Variants in EXOC4 observed in about 807,000 individuals in gnomAD.
The protein encoded by EXOC4 is exocyst complex component 4.
A neutral mutation model predicts 107.2 loss-of-function variants in EXOC4; 71 were observed. The ratio of observed to expected loss-of-function variants is 0.66; its 90% CI spans 0.55 to 0.81. EXOC4 has a LOEUF of 0.81. Among genes scored for constraint, EXOC4 ranks in the 30% least tolerant of loss-of-function variants. The pLI, the probability that EXOC4 is intolerant of heterozygous loss-of-function variation, is 0.00. For missense variants in EXOC4, 1,108 were observed against 1,189.6 expected (o/e 0.93, Z 1.01); for synonymous variants, 456 against 441.2 (o/e 1.03, Z -0.42).
At chr7:133,481,057 G>GAAAAAAAAAAAAAAAAAAAAAAAA (rs10686907) in intron 9 of EXOC4, 1 of 142,400 alleles carries the variant, frequency 7.0e-6, no homozygotes. Flanking sequence ...CTCAAAAAAA[G>GAAAAAAAAAAAAAAAAAAAAAAAA]AAAAAAAAAA....
chr7:133,781,479 A>T (rs1057308069), intron 10 of EXOC4, among the ~76,000 whole-genome samples: 1 of 152,250 alleles, frequency 6.6e-6, no homozygotes, highest in Non-Finnish European at 1.5e-5. Context: ...TTCCTTGAAG[A>T]TATCAGTTAG....
At chr7:133,725,304 C>G (rs1201977298) in intron 10 of EXOC4, among the ~76,000 whole-genome samples, 1 of 152,134 alleles carries the variant, frequency 6.6e-6, no homozygotes, top group Non-Finnish European at 1.5e-5. Context: ...GAATGCAGAT[C>G]AAGGCTTAGC....
chr7:133,416,278 T>C (rs1374715626), intron 7 of EXOC4, among the ~76,000 whole-genome samples: 2 of 152,160 alleles, frequency 1.3e-5, no homozygotes, highest in Non-Finnish European at 2.9e-5. Context: ...TCAAATTTGG[T>C]GTAGTACTTG....
intron 10 of EXOC4, among the ~76,000 whole-genome samples, chr7:133,682,454 C>T (rs1475323489): frequency 6.6e-6 from 1 of 152,154 alleles, no homozygotes; most frequent in Non-Finnish European, 1.5e-5. Flanking sequence ...TTGCTGCCGC[C>T]ATTATCACCT....
chr7:133,517,659 A>G (rs934240692), intron 9 of EXOC4, among the ~76,000 whole-genome samples: 6 of 150,650 alleles, frequency 4.0e-5, no homozygotes, highest in African/African-American at 9.8e-5. Flanking sequence ...ATTCACTATC[A>G]TAAGAATAGC....
At chr7:133,280,415 G>A (rs994280784) in intron 2 of EXOC4, among the ~76,000 whole-genome samples, 1 of 152,148 alleles carries the variant, frequency 6.6e-6, no homozygotes, top group Non-Finnish European at 1.5e-5. Flanking sequence ...GGGGAGTTGG[G>A]CCAAATGAAT....
intron 7 of EXOC4, among the ~76,000 whole-genome samples, chr7:133,445,859 C>G (rs928635875): frequency 6.6e-6 from 1 of 151,752 alleles, no homozygotes; most frequent in African/African-American, 2.4e-5. Context: ...AAAAAATACA[C>G]AGAAAAATTA....
chr7:134,051,781 C>T (rs969743534), intron 17 of EXOC4, among the ~76,000 whole-genome samples: 5 of 151,766 alleles, frequency 3.3e-5, no homozygotes, highest in Admixed American at 1.3e-4. Context: ...GTCAGGAGAT[C>T]GAGACCATCC....
intron 17 of EXOC4, among the ~76,000 whole-genome samples, chr7:134,031,045 A>T (rs528908433): frequency 2.0e-5 from 3 of 152,202 alleles, no homozygotes; most frequent in African/African-American, 7.2e-5. Flanking sequence ...TTTCATTCAT[A>T]TGAAGGACCA....
chr7:134,036,537 A>G (rs1215633369), intron 17 of EXOC4, among the ~76,000 whole-genome samples: 4 of 152,190 alleles, frequency 2.6e-5, no homozygotes, highest in African/African-American at 9.7e-5. Context: ...GCAGTGAGCC[A>G]TGTTCATGCC....
chr7:134,030,103 T>G (rs1585335292), intron 17 of EXOC4, among the ~76,000 whole-genome samples: 1 of 152,158 alleles, frequency 6.6e-6, no homozygotes, highest in East Asian at 1.9e-4. Flanking sequence ...TGATTCCTAT[T>G]TTTACACAGT....
chr7:133,868,456 C>T (rs945118084), intron 11 of EXOC4, among the ~76,000 whole-genome samples: 2 of 152,198 alleles, frequency 1.3e-5, no homozygotes, highest in African/African-American at 4.8e-5. Context: ...TCCAGAGACC[C>T]TCTATTTTAT....
chr7:134,090,311 T>A, the EXOC4 span, among the ~76,000 whole-genome samples: 1 of 152,186 alleles, frequency 6.6e-6, no homozygotes, highest in Non-Finnish European at 1.5e-5. Flanking sequence ...AGGACATACT[T>A]GGAAACCTCA....
intron 17 of EXOC4, among the ~76,000 whole-genome samples, chr7:134,055,085 A>C (rs1795891262): frequency 6.6e-6 from 1 of 152,170 alleles, no homozygotes; most frequent in African/African-American, 2.4e-5. Context: ...ACATATGTTT[A>C]CGCTTCTCAA....
intron 9 of EXOC4, among the ~76,000 whole-genome samples, chr7:133,512,609 G>T (rs1001351691): frequency 6.6e-6 from 1 of 152,042 alleles, no homozygotes; most frequent in African/African-American, 2.4e-5. Context: ...AGATCAATGC[G>T]CACAAGAAAT....
intron 10 of EXOC4, among the ~76,000 whole-genome samples, chr7:133,651,535 G>T (rs994714345): frequency 1.3e-5 from 2 of 152,130 alleles, no homozygotes; most frequent in African/African-American, 2.4e-5. Context: ...TTATGATACG[G>T]ATAAGTGCTT....
Position 133,363,609 on chromosome 7 carries a change from T to TA in EXOC4, c.1007+7056dup, listed in dbSNP as rs10714895. Reference sequence around the variant, plus strand: ...ACCTTTGTGTTTTATGTGGCAAAGTTAAAAAAAAAAAAAAAAAAAACCTAC... The same window carrying TA: ...ACCTTTGTGTTTTATGTGGCAAAGTTAAAAAAAAAAAAAAAAAAAAACCTAC... On this transcript the variant is annotated intron_variant, in intron 6 of 17. Coordinates refer to ENST00000253861, the MANE Select transcript of EXOC4 (RefSeq NM_021807.4). 8.4e-3 allele frequency among the ~76,000 whole-genome samples: 1,195 copies of TA among 142,528 alleles called. 16 individuals are homozygous for TA. Among genetic ancestry groups the TA allele is most frequent in the African/African-American group, 0.029 (1,112 of 38,610 alleles). 93.5% of individuals were successfully genotyped at this position (142,528 alleles called of 152,430 possible). A position where few individuals can be genotyped will look rare whatever the true frequency, so the allele number is the denominator to read the frequency against.
chr7:133,836,275 G>A (rs1450265673), intron 11 of EXOC4, among the ~76,000 whole-genome samples: 3 of 152,034 alleles, frequency 2.0e-5, no homozygotes, highest in Non-Finnish European at 2.9e-5. Context: ...TCAATAGAAT[G>A]TTAAGGCTGG....
intron 7 of EXOC4, among the ~76,000 whole-genome samples, chr7:133,416,277 G>C (rs533443900): frequency 6.6e-6 from 1 of 152,156 alleles, no homozygotes; most frequent in Non-Finnish European, 1.5e-5. Flanking sequence ...ATCAAATTTG[G>C]TGTAGTACTT....
Sources: gnomAD v4.1 joint callset for allele counts (sites outside exome capture counted in the v4.1 genomes callset) on GRCh38, gnomAD v4.1.1 for gene constraint, MANE v1.5 for transcripts, NCBI Gene and HGNC (gene_info 2026-07-23, HGNC 2026-07-21) for gene names.